APBB1IP: variants seen among roughly 807,000 people sequenced by gnomAD.
APBB1IP encodes the protein amyloid beta precursor protein binding family B member 1 interacting protein, also known as amyloid beta A4 precursor protein-binding family B member 1-interacting protein.
A neutral mutation model predicts 64.9 loss-of-function variants in APBB1IP; 27 were observed. The ratio of observed to expected loss-of-function variants is 0.42; its 90% CI spans 0.31 to 0.57. APBB1IP has a LOEUF of 0.57. Ranked by LOEUF, APBB1IP falls within the 20% of genes least tolerant of loss-of-function variation. APBB1IP has a pLI of 0.20. For synonymous variants in APBB1IP, 392 were observed against 331.0 expected (o/e 1.18, Z -2.00); for missense variants, 812 against 845.5 (o/e 0.96, Z 0.49).
At chr10:26,549,229 G>T (rs1836802360) in intron 11 of APBB1IP, among the ~76,000 whole-genome samples, 1 of 152,140 alleles carries the variant, frequency 6.6e-6, no homozygotes, top group African/African-American at 2.4e-5. Context: ...TGGATTGCTA[G>T]TATTTTTTTG....
At chr10:26,443,968 C>G (rs1589187277) in intron 2 of APBB1IP, among the ~76,000 whole-genome samples, 2 of 152,120 alleles carry the variant, frequency 1.3e-5, no homozygotes, top group Non-Finnish European at 2.9e-5. Context: ...TTCTGGTGGA[C>G]AGATACAGAT....
intron 14 of APBB1IP, among the ~76,000 whole-genome samples, chr10:26,563,412 C>A (rs1240486188): frequency 1.3e-5 from 2 of 152,146 alleles, no homozygotes; most frequent in Non-Finnish European, 2.9e-5. Context: ...CTATTTTCCC[C>A]ATTAATGTCC....
chr10:26,488,988 G>C (rs1835924856), intron 2 of APBB1IP, among the ~76,000 whole-genome samples: 1 of 152,130 alleles, frequency 6.6e-6, no homozygotes, highest in African/African-American at 2.4e-5. Flanking sequence ...TAGTTCAATG[G>C]AATCTAGACC....
At chr10:26,438,607 G>A (rs1235330463) in intron 1 of APBB1IP, 45 bp from the exon 2 acceptor site, 1 of 152,254 alleles carries the variant, frequency 6.6e-6, no homozygotes, top group Non-Finnish European at 1.5e-5. Context: ...CCCTAACTCG[G>A]AGTCCTTTAC....
intron 2 of APBB1IP, among the ~76,000 whole-genome samples, chr10:26,485,913 T>C (rs1028690753): frequency 3.9e-5 from 6 of 152,172 alleles, no homozygotes; most frequent in Non-Finnish European, 8.8e-5. Flanking sequence ...AAAAGAGTTC[T>C]AAAAAGCCTG....
At chr10:26,524,447 G>A (rs1240897734) in intron 8 of APBB1IP, among the ~76,000 whole-genome samples, 1 of 152,106 alleles carries the variant, frequency 6.6e-6, no homozygotes, top group African/African-American at 2.4e-5. Context: ...TTTAAAGAGG[G>A]TTATTCTGAG....
chr10:26,555,102 C>T (rs1488717406), intron 11 of APBB1IP, among the ~76,000 whole-genome samples: 1 of 152,082 alleles, frequency 6.6e-6, no homozygotes, highest in Non-Finnish European at 1.5e-5. Flanking sequence ...TCTTCCTGTC[C>T]CCATTTCTCG....
At chr10:26,504,104 C>T (rs527580250) in intron 6 of APBB1IP, among the ~76,000 whole-genome samples, 57 of 152,330 alleles carry the variant, frequency 3.7e-4, no homozygotes, top group African/African-American at 1.3e-3. Context: ...CAGCTTCTGT[C>T]GGCCTGGCCT....
intron 2 of APBB1IP, among the ~76,000 whole-genome samples, chr10:26,446,286 G>A (rs575417527): frequency 1.3e-5 from 2 of 152,250 alleles, no homozygotes; most frequent in African/African-American, 4.8e-5. Context: ...TTAGGTTTTG[G>A]ATACAGTATT....
intron 13 of APBB1IP, 79 bp downstream of exon 13, chr10:26,560,923 A>G (rs1238043601): frequency 5.5e-6 from 6 of 1,090,644 alleles, no homozygotes; most frequent in Non-Finnish European, 7.8e-6. Flanking sequence ...ACATCTATAC[A>G]AACAGGACTT....
chr10:26,507,119 T>C (rs888318074), intron 6 of APBB1IP, among the ~76,000 whole-genome samples: 2 of 151,320 alleles, frequency 1.3e-5, no homozygotes, highest in African/African-American at 2.4e-5. Context: ...CAAGGAGAAG[T>C]TTGGGTTGTA....
At chr10:26,529,292 A>G (rs1177617147) in intron 8 of APBB1IP, among the ~76,000 whole-genome samples, 6 of 152,254 alleles carry the variant, frequency 3.9e-5, no homozygotes, top group Non-Finnish European at 7.3e-5. Flanking sequence ...GGAAGTTCCG[A>G]TCCGAAAGCA....
At position 26,567,076 on chromosome 10, in the gene APBB1IP, G is replaced by A. The variant is rs1317451020; in HGVS notation, c.1589G>A (p.Gly530Asp). 2.0e-6 allele frequency: 3 copies of A among 1,482,738 alleles called. No homozygotes were observed. The highest frequency in any genetic ancestry group is 1.5e-5 in the African/African-American group (1 of 66,872). The allele number at this position is 1,482,738 out of a possible 1,614,324, so 91.8% of individuals were successfully genotyped here. A position where few individuals can be genotyped will look rare whatever the true frequency, so the allele number is the denominator to read the frequency against. Residue 530 changes from glycine to aspartate, a missense_variant, in exon 15 of 15, where the codon GGC becomes GAC. Transcript: ENST00000376236. ...PPVRRSSDTS[G>D]SPATPLKAKG... ...GTGCGGAGGTCCTCCGACACCAGCG[G>A]CAGTCCCGCCACGCCCCTCAAGGCC... is the stretch of plus-strand genomic sequence containing the variant.
chr10:26,481,174 CCAGA>C (rs1647597404), intron 2 of APBB1IP, among the ~76,000 whole-genome samples: 2 of 152,112 alleles, frequency 1.3e-5, no homozygotes, highest in Admixed American at 6.6e-5. Context: ...GAGCTGGAGG[CCAGA>C]CAGACAGATG....
intron 8 of APBB1IP, among the ~76,000 whole-genome samples, chr10:26,524,520 G>A (rs952704667): frequency 1.3e-5 from 2 of 152,190 alleles, no homozygotes; most frequent in Admixed American, 1.3e-4. Context: ...GTATGCCCCT[G>A]GCAGTTGGCT....
At chr10:26,485,585 G>A (rs1261130752) in intron 2 of APBB1IP, among the ~76,000 whole-genome samples, 1 of 152,176 alleles carries the variant, frequency 6.6e-6, no homozygotes, top group Non-Finnish European at 1.5e-5. Context: ...AATGCTGATT[G>A]CAAATTCATG....
chr10:26,559,593 G>C (rs1836940575), intron 11 of APBB1IP, among the ~76,000 whole-genome samples: 1 of 150,450 alleles, frequency 6.6e-6, no homozygotes, highest in Non-Finnish European at 1.5e-5. Flanking sequence ...ATGTGCTTAT[G>C]ATAAATCATA....
chr10:26,530,213 C>CT (rs1411667537), intron 8 of APBB1IP, among the ~76,000 whole-genome samples: 2 of 124,344 alleles, frequency 1.6e-5, no homozygotes, highest in Admixed American at 1.0e-4. Context: ...GTACTTAAAG[C>CT]TTTTTTTTCT....
chr10:26,543,341 C>T (rs1836719960), intron 11 of APBB1IP, among the ~76,000 whole-genome samples: 1 of 151,784 alleles, frequency 6.6e-6, no homozygotes, highest in Admixed American at 6.6e-5. Flanking sequence ...GTGGTGCACG[C>T]CTTTAGTCCC....
Sources: allele counts gnomAD v4.1 joint callset (sites outside exome capture counted in the v4.1 genomes callset), GRCh38; gene constraint gnomAD v4.1.1; transcripts MANE v1.5; gene names NCBI Gene and HGNC (gene_info 2026-07-23, HGNC 2026-07-21).